TSC22D3: variants seen among roughly 807,000 people sequenced by gnomAD.
TSC22D3 encodes TSC22 domain family member 3, also known as TSC22 domain family protein 3.
In TSC22D3, 4 loss-of-function variants were observed where a neutral mutation model predicts 11.1. That is an observed-to-expected ratio of 0.36 (90% CI 0.18 to 0.83). The LOEUF is 0.83. Ranked by LOEUF, TSC22D3 falls within the 40% of genes least tolerant of loss-of-function variation. TSC22D3 has a pLI of 0.48. For missense variants in TSC22D3, 118 were observed against 159.4 expected (o/e 0.74, Z 1.40); for synonymous variants, 77 against 70.3 (o/e 1.10, Z -0.48).
intron 1 of TSC22D3, among the ~76,000 whole-genome samples, chrX:107,743,013 G>A (rs914367856): frequency 8.9e-6 from 1 of 111,742 alleles, no homozygotes; most frequent in African/African-American, 3.3e-5. Flanking sequence ...GTGGCCGGGT[G>A]GGAAACACGA....
At chrX:107,731,955 C>T (rs936006918) in intron 1 of TSC22D3, among the ~76,000 whole-genome samples, 14 of 111,109 alleles carry the variant, frequency 1.3e-4, no homozygotes, top group African/African-American at 4.3e-4. Flanking sequence ...TTCTGTAAAA[C>T]GGGAAACCTA....
At chrX:107,724,222 G>A (rs1927497390) in intron 1 of TSC22D3, among the ~76,000 whole-genome samples, 1 of 112,556 alleles carries the variant, frequency 8.9e-6, no homozygotes, top group African/African-American at 3.2e-5. Context: ...GCTGGGGTGG[G>A]GGCAGTGGCA....
At chrX:107,743,177 A>T (rs1814164349) in intron 1 of TSC22D3, among the ~76,000 whole-genome samples, 1 of 112,672 alleles carries the variant, frequency 8.9e-6, no homozygotes, top group Non-Finnish European at 1.9e-5. Flanking sequence ...TCCGAAGAAG[A>T]AAAGGCGGCA....
At chrX:107,722,002 T>G in intron 1 of TSC22D3, 1 of 376,160 alleles carries the variant, frequency 2.7e-6, no homozygotes, top group Non-Finnish European at 4.8e-6. Flanking sequence ...CCACTGCCAC[T>G]TACATAGTTA....
At chrX:107,767,362 T>G (rs892547322) in intron 1 of TSC22D3, among the ~76,000 whole-genome samples, 1 of 111,365 alleles carries the variant, frequency 9.0e-6, no homozygotes, top group African/African-American at 3.3e-5. Context: ...TGATCCAGCC[T>G]GCTTCCAGCT....
chrX:107,750,926 C>T (rs1188881368), intron 1 of TSC22D3, among the ~76,000 whole-genome samples: 3 of 111,980 alleles, frequency 2.7e-5, no homozygotes, highest in Non-Finnish European at 5.6e-5. Context: ...ATTCTGGAAA[C>T]ATCTGCTGCT....
intron 1 of TSC22D3, among the ~76,000 whole-genome samples, chrX:107,758,598 G>A (rs1028031119): frequency 3.6e-5 from 4 of 111,638 alleles, no homozygotes; most frequent in Admixed American, 2.8e-4. Context: ...TACCAAGAAA[G>A]GAGGTTTTCA....
In TSC22D3 at chrX:107,775,081, CG is replaced by C. The variant is rs1438142852; in HGVS notation, c.320+18del. 2.5e-6 allele frequency: 3 copies of C among 1,205,555 alleles called. No individual in the cohort carries two copies. Among genetic ancestry groups the C allele is most frequent in the South Asian group, 1.8e-5 (1 of 56,348 alleles). On this transcript the variant is annotated intron_variant, in intron 1 of 2. Coordinates refer to ENST00000372383, the MANE Select transcript of TSC22D3 (RefSeq NM_198057.3). ...GTGGGAGCAAGGACCGAGTTGCCGC[CG>C]TGTGCCGAGCCACCCACCTGTGGAA...
chrX:107,715,831 A>G, intron 2 of TSC22D3, 68 bp downstream of exon 2: 1 of 1,175,596 alleles, frequency 8.5e-7, no homozygotes, highest in Admixed American at 2.2e-5. Context: ...CATTCCCTCA[A>G]TCCTGCCCAG....
In TSC22D3 at chrX:107,727,500, AT is replaced by A. The variant is rs1173611482; in HGVS notation, c.321-11551del. ...GAAACATAAACAAATCATTTTATTT[AT>A]TTTTTTTTTTTACAGATTAAAGATG... is the stretch of plus-strand genomic sequence containing the variant. On this transcript the variant is annotated intron_variant, in intron 1 of 2. Coordinates refer to ENST00000372383, the MANE Select transcript of TSC22D3 (RefSeq NM_198057.3). 1.1e-3 allele frequency among the ~76,000 whole-genome samples: 115 copies of A among 104,637 alleles called. 1 individual carries two copies. The highest frequency in any genetic ancestry group is 0.011 in the South Asian group (26 of 2,476). 90.9% of individuals were successfully genotyped at this position (104,637 alleles called of 115,157 possible). A position where few individuals can be genotyped will look rare whatever the true frequency, so the allele number is the denominator to read the frequency against.
chrX:107,716,761 C>T, intron 1 of TSC22D3: 1 of 1,209,455 alleles, frequency 8.3e-7, no homozygotes, highest in Non-Finnish European at 1.1e-6. Flanking sequence ...AGAAATTGTG[C>T]AGCTGGTAGA....
At chrX:107,758,665 C>T (rs1436395974) in intron 1 of TSC22D3, among the ~76,000 whole-genome samples, 1 of 111,608 alleles carries the variant, frequency 9.0e-6, no homozygotes, top group Admixed American at 9.5e-5. Context: ...CTGGACATCA[C>T]TATCTGAAAA....
intron 1 of TSC22D3, among the ~76,000 whole-genome samples, chrX:107,742,287 G>A (rs1488473832): frequency 4.0e-5 from 2 of 49,682 alleles, no homozygotes; most frequent in African/African-American, 8.0e-5. Context: ...GAGAAAGAGA[G>A]AGAGAGAGAG....
chrX:107,741,939 T>C (rs1371720443), intron 1 of TSC22D3, among the ~76,000 whole-genome samples: 5 of 111,566 alleles, frequency 4.5e-5, no homozygotes, highest in African/African-American at 1.6e-4. Flanking sequence ...CTGTTTCCTT[T>C]GATAAAGCAC....
chrX:107,767,969 A>G (rs1353230447), intron 1 of TSC22D3, among the ~76,000 whole-genome samples: 1 of 112,348 alleles, frequency 8.9e-6, no homozygotes, highest in East Asian at 2.8e-4. Context: ...CCATCAAATG[A>G]ACCCATGTTT....
chrX:107,768,624 G>A (rs1250656078), intron 1 of TSC22D3, among the ~76,000 whole-genome samples: 1 of 112,124 alleles, frequency 8.9e-6, no homozygotes, highest in Non-Finnish European at 1.9e-5. Context: ...GCCCCGTGCT[G>A]TAACAGCCCA....
intron 1 of TSC22D3, among the ~76,000 whole-genome samples, chrX:107,757,372 C>T (rs1929224585): frequency 8.9e-6 from 1 of 111,837 alleles, no homozygotes; most frequent in African/African-American, 3.3e-5. Flanking sequence ...CTGAGGGAGG[C>T]AGGGCTGAGG....
chrX:107,748,083 T>C (rs750869009), intron 1 of TSC22D3, among the ~76,000 whole-genome samples: 1 of 111,680 alleles, frequency 9.0e-6, no homozygotes, highest in African/African-American at 3.3e-5. Context: ...TTCACACCCC[T>C]GCACACACAC....
At chrX:107,725,191 T>C (rs1927560271) in intron 1 of TSC22D3, among the ~76,000 whole-genome samples, 1 of 112,624 alleles carries the variant, frequency 8.9e-6, no homozygotes, top group East Asian at 2.8e-4. Flanking sequence ...GAAGGTGCCA[T>C]ATTCAACACT....
Sources: allele counts gnomAD v4.1 joint callset (sites outside exome capture counted in the v4.1 genomes callset), GRCh38; gene constraint gnomAD v4.1.1; transcripts MANE v1.5; gene names NCBI Gene and HGNC (gene_info 2026-07-23, HGNC 2026-07-21).